CNTNAP2: variants seen among roughly 807,000 people sequenced by gnomAD.
The protein encoded by CNTNAP2 is contactin-associated protein-like 2.
Under a neutral mutation model 155.2 loss-of-function variants are expected in CNTNAP2, and 98 were observed. The observed-to-expected ratio is 0.63, with a 90% CI of 0.54 to 0.75. The LOEUF is 0.75. CNTNAP2 is among the 30% of genes least tolerant of loss of function. CNTNAP2 has a pLI of 0.00. For missense variants in CNTNAP2, 1,727 were observed against 1,688.1 expected, an observed-to-expected ratio of 1.02 and a Z score of -0.40; for synonymous variants, 651 against 631.2, an observed-to-expected ratio of 1.03 and a Z score of -0.47.
chr7:146,665,283 CTCTT>C (rs1054804043), intron 1 of CNTNAP2, among the ~76,000 whole-genome samples: 20 of 152,154 alleles, frequency 1.3e-4, no homozygotes, highest in African/African-American at 4.3e-4. Context: ...TCCTTTCTCT[CTCTT>C]TCTGTCAGTA....
chr7:146,145,103 A>C (rs1183750547), intron 1 of CNTNAP2, among the ~76,000 whole-genome samples: 1 of 152,140 alleles, frequency 6.6e-6, no homozygotes, highest in Admixed American at 6.5e-5. Context: ...AATATACAAA[A>C]TGTGATCCTG....
chr7:147,547,632 C>A (rs2190008), intron 11 of CNTNAP2, among the ~76,000 whole-genome samples: 36,835 of 95,532 alleles, frequency 0.39, 4,911 homozygotes, highest in Admixed American at 0.45. Flanking sequence ...TTCTTCTAAA[C>A]ACACACACAC....
At position 148,383,808 on chromosome 7, in the gene CNTNAP2, C is replaced by T; in HGVS notation, c.3635C>T (p.Ser1212Phe). 2 of 1,614,164 alleles carry T rather than the reference C, an allele frequency of 1.2e-6. No individual in the cohort carries two copies. The highest frequency in any genetic ancestry group is 1.7e-6 in the Non-Finnish European group (2 of 1,180,028). Residue 1212 changes from serine to phenylalanine, a missense_variant, in exon 22 of 24, where the codon TCC becomes TTC. Transcript: ENST00000361727. ...CACATCCAGGGCGAGCTGGTGGAGT[C>T]CAACTGCGGGGCCTCGCCGCTGACC... is the stretch of plus-strand genomic sequence containing the variant. ...HVHIQGELVE[S>F]NCGASPLTLS...
chr7:146,830,192 C>T (rs1252030104), intron 2 of CNTNAP2, among the ~76,000 whole-genome samples: 5 of 152,040 alleles, frequency 3.3e-5, no homozygotes, highest in African/African-American at 4.8e-5. Flanking sequence ...TCTTTCCCAA[C>T]CACAAAAAGA....
At chr7:146,611,870 G>T (rs1799143832) in intron 1 of CNTNAP2, among the ~76,000 whole-genome samples, 1 of 152,130 alleles carries the variant, frequency 6.6e-6, no homozygotes, top group Non-Finnish European at 1.5e-5. Context: ...ATTGTCCACA[G>T]GCCAAACAGA....
chr7:148,294,356 C>T (rs1797243973), intron 21 of CNTNAP2, among the ~76,000 whole-genome samples: 1 of 152,116 alleles, frequency 6.6e-6, no homozygotes, highest in African/African-American at 2.4e-5. Flanking sequence ...TAATTAACCT[C>T]GAAATAATAA....
At chr7:147,998,400 G>A (rs62471150) in intron 15 of CNTNAP2, among the ~76,000 whole-genome samples, 3 of 152,142 alleles carry the variant, frequency 2.0e-5, no homozygotes, top group Admixed American at 6.5e-5. Flanking sequence ...CGAGAGCCAC[G>A]GCGCCCGGCC....
At chr7:147,626,031 A>T (rs961439520) in intron 12 of CNTNAP2, among the ~76,000 whole-genome samples, 87 of 152,182 alleles carry the variant, frequency 5.7e-4, no homozygotes, top group Non-Finnish European at 9.0e-4. Context: ...AAGCCCAGGG[A>T]AGCCATCTCT....
chr7:146,216,578 G>A (rs1799117206), intron 1 of CNTNAP2, among the ~76,000 whole-genome samples: 3 of 152,064 alleles, frequency 2.0e-5, no homozygotes, highest in South Asian at 2.1e-4. Context: ...ATCCCTGACC[G>A]ACCTGGAAGC....
chr7:148,080,520 G>T (rs1001189944), intron 15 of CNTNAP2, among the ~76,000 whole-genome samples: 1 of 149,470 alleles, frequency 6.7e-6, no homozygotes, highest in African/African-American at 2.5e-5. Flanking sequence ...CAGGAGAATG[G>T]CATAAACCTG....
At chr7:147,572,371 G>A (rs770466461) in intron 12 of CNTNAP2, among the ~76,000 whole-genome samples, 3 of 147,872 alleles carry the variant, frequency 2.0e-5, no homozygotes, top group Non-Finnish European at 4.4e-5. Context: ...ACCCAGAAAG[G>A]GGGTACAAGA....
intron 3 of CNTNAP2, among the ~76,000 whole-genome samples, chr7:146,906,349 G>C (rs1177137210): frequency 6.6e-6 from 1 of 152,194 alleles, no homozygotes; most frequent in Non-Finnish European, 1.5e-5. Context: ...TCTGGGGGCA[G>C]GGCACAGACA....
At chr7:147,036,517 A>G (rs1387344289) in intron 3 of CNTNAP2, among the ~76,000 whole-genome samples, 1 of 152,220 alleles carries the variant, frequency 6.6e-6, no homozygotes, top group Non-Finnish European at 1.5e-5. Context: ...TTTCCTTAAC[A>G]TCAAGCTTTG....
At chr7:147,040,960 ATTC>A (rs1799249149) in intron 3 of CNTNAP2, among the ~76,000 whole-genome samples, 1 of 152,096 alleles carries the variant, frequency 6.6e-6, no homozygotes, top group African/African-American at 2.4e-5. Flanking sequence ...GATGTTAATA[ATTC>A]TTCTTTTGAA....
intron 3 of CNTNAP2, among the ~76,000 whole-genome samples, chr7:146,877,687 A>G (rs1234786168): frequency 2.0e-5 from 3 of 151,572 alleles, no homozygotes; most frequent in Admixed American, 2.0e-4. Context: ...ATATATATGG[A>G]CTTTTAAACT....
chr7:148,240,672 C>T (rs747671454), intron 20 of CNTNAP2, among the ~76,000 whole-genome samples: 4 of 152,118 alleles, frequency 2.6e-5, no homozygotes, highest in South Asian at 2.1e-4. Context: ...TTGACTCACA[C>T]GATCACAAGC....
chr7:147,214,553 A>G (rs1399436657), intron 8 of CNTNAP2, among the ~76,000 whole-genome samples: 2 of 152,120 alleles, frequency 1.3e-5, no homozygotes, highest in African/African-American at 4.8e-5. Flanking sequence ...CTTATTAAAG[A>G]TGGTTTGCTT....
chr7:146,712,971 C>T (rs1019806870), intron 1 of CNTNAP2, among the ~76,000 whole-genome samples: 2 of 151,790 alleles, frequency 1.3e-5, no homozygotes, highest in Non-Finnish European at 2.9e-5. Flanking sequence ...TGACCTGTAC[C>T]CCTCCCTTAA....
At chr7:147,060,659 A>T (rs1013848242) in intron 4 of CNTNAP2, among the ~76,000 whole-genome samples, 3 of 152,078 alleles carry the variant, frequency 2.0e-5, no homozygotes, top group Non-Finnish European at 4.4e-5. Context: ...GTCAGGAGAT[A>T]GAGACCATCT....
Sources: gnomAD v4.1 joint callset for allele counts (sites outside exome capture counted in the v4.1 genomes callset) on GRCh38, gnomAD v4.1.1 for gene constraint, MANE v1.5 for transcripts, NCBI Gene and HGNC (gene_info 2026-07-23, HGNC 2026-07-21) for gene names.